Variants in PHLDB3 observed in about 807,000 individuals in gnomAD.
The protein encoded by PHLDB3 is pleckstrin homology like domain family B member 3, also known as pleckstrin homology-like domain family B member 3.
In PHLDB3, 86 loss-of-function variants were observed where a neutral mutation model predicts 85.7. The observed-to-expected ratio is 1.00, with a 90% CI of 0.84 to 1.20. The LOEUF (loss-of-function observed/expected upper bound fraction) is 1.20, where lower values mean the gene tolerates loss of function less well. Among genes scored for constraint, PHLDB3 ranks in the 50% most tolerant of loss-of-function variants. The pLI is 0.00. For missense variants in PHLDB3, 995 were observed against 873.0 expected, an observed-to-expected ratio of 1.14 and a Z score of -1.76; for synonymous variants, 376 against 349.8, an observed-to-expected ratio of 1.07 and a Z score of -0.83.
chr19:43,478,174 G>A, intron 14 of PHLDB3, 42 bp from the exon 15 acceptor site: 1 of 1,464,676 alleles, frequency 6.8e-7, no homozygotes, highest in Non-Finnish European at 9.6e-7. Context: ...AGTGAGAAAG[G>A]TGTGTCTGTG....
intron 14 of PHLDB3, among the ~76,000 whole-genome samples, chr19:43,478,949 G>T (rs1970982006): frequency 6.6e-6 from 1 of 151,938 alleles, no homozygotes; most frequent in Non-Finnish European, 1.5e-5. Flanking sequence ...ACAAAAAAAA[G>T]TGTCCAAGGA....
chr19:43,497,933 C>G (rs983487398), intron 4 of PHLDB3, 57 bp from the exon 5 acceptor site: 10 of 1,548,716 alleles, frequency 6.5e-6, no homozygotes, highest in Non-Finnish European at 8.7e-6. Flanking sequence ...GAAGCAGCAG[C>G]CAGCCATATC....
intron 2 of PHLDB3, 33 bp from the exon 3 acceptor site, chr19:43,502,316 T>C: frequency 4.6e-6 from 7 of 1,526,582 alleles, no homozygotes; most frequent in Non-Finnish European, 6.1e-6. Flanking sequence ...TAAGTGGAGA[T>C]GCCTCGCCCC....
rs1425884569 is a variant in PHLDB3 at position 43,504,126 on chromosome 19, G to A, written c.-8C>T. 1 of 1,585,942 alleles carries A rather than the reference G, an allele frequency of 6.3e-7. No homozygotes were observed. The highest frequency in any genetic ancestry group is 1.8e-5 in the Admixed American group (1 of 56,090). ...GCTGCTTCGCGTCCCCATGGCCGCTGGGACTCCTGCGGGGTGGGCGGGACC... is the reference window on the plus strand; with the variant it reads ...GCTGCTTCGCGTCCCCATGGCCGCTAGGACTCCTGCGGGGTGGGCGGGACC... On this transcript the variant is annotated 5_prime_UTR_variant, in exon 2 of 16. Coordinates refer to ENST00000292140, the MANE Select transcript of PHLDB3 (RefSeq NM_198850.4).
chr19:43,497,438 G>A lies in PHLDB3; in HGVS notation c.664-159C>T, dbSNP rs191130230. ...GGGCTAAGAATCAGAGGGCCAGCTG[G>A]GCACAGTGGCTCACGCCTGTAATCC... is the stretch of plus-strand genomic sequence containing the variant. On this transcript the variant is annotated intron_variant, in intron 5 of 15. Coordinates refer to ENST00000292140, the MANE Select transcript of PHLDB3 (RefSeq NM_198850.4). Among the ~76,000 whole-genome samples, 314 of 152,274 alleles carry A rather than the reference G, an allele frequency of 2.1e-3. 1 individual carries two copies. Among genetic ancestry groups the A allele is most frequent in the Admixed American group, 3.7e-3 (57 of 15,286 alleles).
At chr19:43,495,815 GGAAGATGAA>G (rs1971444361) in intron 6 of PHLDB3, 195 bp from the exon 7 acceptor site, 1 of 672,462 alleles carries the variant, frequency 1.5e-6, no homozygotes, top group Non-Finnish European at 2.4e-6. Context: ...AGAGATCTGG[GGAAGATGAA>G]GAGAAAGGGA....
At chr19:43,496,795 C>T (rs1262902401) in intron 6 of PHLDB3, 1 of 382,664 alleles carries the variant, frequency 2.6e-6, no homozygotes, top group African/African-American at 2.1e-5. Flanking sequence ...TAAAAAAATC[C>T]TGGCTCTGTC....
intron 13 of PHLDB3, among the ~76,000 whole-genome samples, chr19:43,482,248 C>T (rs914457042): frequency 6.6e-6 from 1 of 152,194 alleles, no homozygotes; most frequent in East Asian, 1.9e-4. Context: ...CCGGCTGTGT[C>T]ACCTCCACAG....
At position 43,475,403 on chromosome 19, in the gene PHLDB3, G is replaced by T. The variant is rs762499658; in HGVS notation, c.*7C>A. The T allele has an allele frequency of 9.9e-6, 16 of 1,613,540 alleles. No individual in the cohort carries two copies. The highest frequency in any genetic ancestry group is 1.6e-4 in the Middle Eastern group (1 of 6,080). ...GAAGGGACTTCCCCCCAAGAGGGCG[G>T]GGCCACTCAGGGGGCGTGGTTTTCG... On this transcript the variant is annotated 3_prime_UTR_variant, in exon 16 of 16. Transcript: ENST00000292140.
rs147272153 is a variant in PHLDB3, at chr19:43,502,166, G to A, written c.331C>T (p.Arg111Cys). Residue 111 changes from arginine to cysteine, a missense_variant, in exon 3 of 16, where the codon CGT becomes TGT. Transcript: ENST00000292140. ...LQGQQLEALT[R>C]VALMEQRVKE... The stretch of plus-strand genomic sequence containing the variant: ...ACTCGCTGCTCCATCAGGGCCACAC[G>A]AGTCAATGCCTCCAGCTGCTGTCCT... The A allele has an allele frequency of 3.3e-4, 520 of 1,580,904 alleles. 4 individuals carry two copies. In the East Asian group the frequency reaches 0.011, roughly 34 times the overall value.
At chr19:43,481,533 G>A (rs1971046834) in intron 13 of PHLDB3, among the ~76,000 whole-genome samples, 2 of 152,062 alleles carry the variant, frequency 1.3e-5, no homozygotes, top group South Asian at 2.1e-4. Context: ...CAGGAGAATC[G>A]CTTGAACTCG....
Position 43,475,452 on chromosome 19 carries a change from C to T in PHLDB3, c.1881G>A (p.Met627Ile). The change falls in exon 16 of 16, where the codon ATG becomes ATA. Residue 627 changes from methionine to isoleucine, a missense_variant. By Grantham distance (10) the Met-to-Ile change is conservative. Coordinates refer to ENST00000292140, the MANE Select transcript of PHLDB3 (RefSeq NM_198850.4). Reference sequence around the variant, plus strand: ...CGTCAGCGGCGGTCACGATGACGTCCATCCAAATGCGCATGGCTTCGGGGC... The same window carrying T: ...CGTCAGCGGCGGTCACGATGACGTCTATCCAAATGCGCATGGCTTCGGGGC... ...APSPEAMRIW[M>I]DVIVTAADEN... 3.1e-6 allele frequency: 5 copies of T among 1,613,972 alleles called. No individual in the cohort carries two copies. Among genetic ancestry groups the T allele is most frequent in the Non-Finnish European group, 3.4e-6 (4 of 1,179,858 alleles).
intron 3 of PHLDB3, 64 bp from the exon 4 acceptor site, chr19:43,501,935 T>C: frequency 1.3e-6 from 2 of 1,507,406 alleles, no homozygotes; most frequent in South Asian, 1.3e-5. Flanking sequence ...GCCCAGGGCC[T>C]GAACTACCGG....
chr19:43,482,066 T>C (rs1971059899), intron 13 of PHLDB3, among the ~76,000 whole-genome samples: 1 of 152,146 alleles, frequency 6.6e-6, no homozygotes, highest in Non-Finnish European at 1.5e-5. Context: ...AAGTGGTCAC[T>C]GTGATTACCT....
At chr19:43,497,993 T>C (rs1434383050) in intron 4 of PHLDB3, 117 bp from the exon 5 acceptor site, 3 of 1,419,600 alleles carry the variant, frequency 2.1e-6, no homozygotes, top group South Asian at 2.9e-5. Context: ...ACTTCATCTA[T>C]GTGATTCACT....
chr19:43,504,244 A>T (rs1194507290), intron 1 of PHLDB3, 112 bp from the exon 2 acceptor site: 1 of 981,188 alleles, frequency 1.0e-6, no homozygotes, highest in African/African-American at 1.7e-5. Flanking sequence ...GGGGCCTAAG[A>T]GTTCAAAGGA....
intron 14 of PHLDB3, among the ~76,000 whole-genome samples, chr19:43,478,942 A>G (rs1199388376): frequency 6.6e-6 from 1 of 151,916 alleles, no homozygotes; most frequent in East Asian, 1.9e-4. Flanking sequence ...AACAAAAACA[A>G]AAAAAAGTGT....
At chr19:43,488,815 T>C (rs1327484580) in intron 9 of PHLDB3, among the ~76,000 whole-genome samples, 5 of 152,044 alleles carry the variant, frequency 3.3e-5, no homozygotes, top group Non-Finnish European at 5.9e-5. Flanking sequence ...TTTTTTTTTT[T>C]TTGAGTTGGA....
At chr19:43,501,053 G>A (rs1055626465) in intron 4 of PHLDB3, among the ~76,000 whole-genome samples, 13 of 151,976 alleles carry the variant, frequency 8.6e-5, no homozygotes, top group African/African-American at 2.2e-4. Flanking sequence ...AACTGGGGAC[G>A]AGAACAAATT....
Sources: gnomAD v4.1 joint callset for allele counts (sites outside exome capture counted in the v4.1 genomes callset) on GRCh38, gnomAD v4.1.1 for gene constraint, MANE v1.5 for transcripts, NCBI Gene and HGNC (gene_info 2026-07-23, HGNC 2026-07-21) for gene names.